The following KMO variants were observed in gnomAD, a reference collection of about 807,000 sequenced individuals.
The protein encoded by KMO is kynurenine 3-hydroxylase.
In KMO, 24 loss-of-function variants were observed where a neutral mutation model predicts 57.8. The ratio of observed to expected loss-of-function variants is 0.42; its 90% CI spans 0.30 to 0.58. KMO has a LOEUF of 0.58. Among genes scored for constraint, KMO ranks in the 20% least tolerant of loss-of-function variants. KMO has a pLI of 0.22. For missense variants in KMO, 483 were observed against 588.2 expected, an observed-to-expected ratio of 0.82 and a Z score of 1.85; for synonymous variants, 210 against 193.6, an observed-to-expected ratio of 1.08 and a Z score of -0.70.
chr1:241,547,316 A>C (rs10926516), intron 1 of KMO, among the ~76,000 whole-genome samples: 45,376 of 152,058 alleles, frequency 0.3, 7,773 homozygotes, highest in Non-Finnish European at 0.39. Flanking sequence ...AGCTTCTCAT[A>C]CTCAAAATAG....
intron 1 of KMO, among the ~76,000 whole-genome samples, chr1:241,548,089 A>ACACAC: frequency 6.0e-5 from 1 of 16,762 alleles, no homozygotes; most frequent in South Asian, 5.6e-3. Flanking sequence ...AACAAACAAA[A>ACACAC]CACACACACA....
intron 10 of KMO, among the ~76,000 whole-genome samples, chr1:241,569,056 A>C (rs1662184254): frequency 1.3e-5 from 2 of 152,068 alleles, no homozygotes; most frequent in African/African-American, 4.8e-5. Flanking sequence ...TACTAGTTTT[A>C]TATATTTATG....
At chr1:241,586,427 T>G in intron 10 of KMO, 1 of 384,676 alleles carries the variant, frequency 2.6e-6, no homozygotes, top group South Asian at 2.4e-5. Flanking sequence ...CTCAAACTCC[T>G]GAGCTCAAGC....
At chr1:241,561,505 C>G (rs1237804804) in intron 6 of KMO, among the ~76,000 whole-genome samples, 1 of 152,192 alleles carries the variant, frequency 6.6e-6, no homozygotes, top group Non-Finnish European at 1.5e-5. Context: ...CTTCTAGCTG[C>G]AGGACAGTAC....
At chr1:241,560,615 A>G in intron 5 of KMO, 50 bp from the exon 6 acceptor site, 1 of 1,245,204 alleles carries the variant, frequency 8.0e-7, no homozygotes. Context: ...GATTAAGTGA[A>G]GTAAGAATTG....
Position 241,562,194 on chromosome 1 carries a change from T to A in KMO, c.477T>A (p.Thr159=). 6.2e-6 allele frequency: 10 copies of A among 1,614,144 alleles called. No individual in the cohort carries two copies. Among genetic ancestry groups the A allele is most frequent in the Middle Eastern group, 1.7e-4 (1 of 6,058 alleles). Residue 159 remains threonine (T), a synonymous_variant, in exon 7 of 15, where the codon ACT becomes ACA. Transcript: ENST00000366559. The part of the protein sequence containing the change: ...LGSDKVPKDV[T]CDLIVGCDGA... ...CTGACAAAGTTCCCAAAGATGTCAC[T>A]TGTGACCTCATTGTAGGATGTGATG...
At chr1:241,576,716 C>CT (rs1350819351) in intron 10 of KMO, among the ~76,000 whole-genome samples, 1 of 5,202 alleles carries the variant, frequency 1.9e-4, no homozygotes, top group Non-Finnish European at 2.6e-3. Context: ...AGCTTGATAA[C>CT]ATACACCTTG....
rs35333190 is a variant in KMO, at chr1:241,592,782, C to CTATCTATCTATCTATCTATCTA, written c.*646_*647insATCTATATCTATCTATCTATCT. On this transcript the variant is annotated 3_prime_UTR_variant, in exon 15 of 15. Transcript: ENST00000366559. ...TCTATCTATCTATCTATCTATCTAT[C>CTATCTATCTATCTATCTATCTA]TATCTATCTATCTATCTCTATTTAT... The CTATCTATCTATCTATCTATCTA allele has an allele frequency of 0.014, 2,205 of 152,618 alleles. 22 individuals are homozygous for CTATCTATCTATCTATCTATCTA. Among genetic ancestry groups the CTATCTATCTATCTATCTATCTA allele is most frequent in the East Asian group, 0.046 (233 of 5,112 alleles). 9.5% of individuals were successfully genotyped at this position (152,618 alleles called of 1,614,324 possible).
intron 14 of KMO, among the ~76,000 whole-genome samples, chr1:241,591,394 T>C (rs1233737737): frequency 6.6e-6 from 1 of 151,042 alleles, no homozygotes; most frequent in Non-Finnish European, 1.5e-5. Flanking sequence ...GTGTAACTTT[T>C]ACATGTGAGT....
intron 7 of KMO, among the ~76,000 whole-genome samples, chr1:241,563,456 G>C (rs1165329148): frequency 6.6e-6 from 1 of 152,124 alleles, no homozygotes; most frequent in South Asian, 2.1e-4. Flanking sequence ...CTAAATATCA[G>C]CCAGTAAAAT....
chr1:241,564,106 G>A (rs138441549), intron 7 of KMO, among the ~76,000 whole-genome samples: 1 of 152,274 alleles, frequency 6.6e-6, no homozygotes, highest in East Asian at 1.9e-4. Flanking sequence ...GGAAGACACA[G>A]TCCCTTCACC....
intron 10 of KMO, among the ~76,000 whole-genome samples, chr1:241,586,189 G>GT (rs1558431281): frequency 3.1e-4 from 38 of 122,730 alleles, no homozygotes; most frequent in African/African-American, 1.1e-3. Context: ...GAAGTCTATG[G>GT]TCTTTTTTTT....
intron 7 of KMO, among the ~76,000 whole-genome samples, chr1:241,562,981 T>G (rs1573921254): frequency 6.6e-6 from 1 of 152,024 alleles, no homozygotes; most frequent in East Asian, 1.9e-4. Flanking sequence ...GTTACAACCC[T>G]CTTACTGGAA....
intron 6 of KMO, among the ~76,000 whole-genome samples, chr1:241,561,398 C>G (rs770044247): frequency 6.6e-6 from 1 of 152,162 alleles, no homozygotes; most frequent in Non-Finnish European, 1.5e-5. Context: ...TAATTTGAAT[C>G]ATTCATGATG....
chr1:241,560,575 G>C (rs1661798681), intron 5 of KMO, 90 bp from the exon 6 acceptor site: 4 of 930,726 alleles, frequency 4.3e-6, no homozygotes, highest in Middle Eastern at 4.3e-4. Context: ...CTACCATACT[G>C]TTCCCAGAAA....
In KMO at chr1:241,551,295, C is replaced by T. The variant is rs1573911342; in HGVS notation, c.312+251C>T. Reference sequence around the variant, plus strand: ...CTTATTGTGTCATTTCTTGCCTTTGCGCTGCCCTGCTACCTGGGACAGCCT... The same window carrying T: ...CTTATTGTGTCATTTCTTGCCTTTGTGCTGCCCTGCTACCTGGGACAGCCT... On this transcript the variant is annotated intron_variant, in intron 4 of 14. Coordinates refer to ENST00000366559, the MANE Select transcript of KMO (RefSeq NM_003679.5). 5.3e-5 allele frequency among the ~76,000 whole-genome samples: 8 copies of T among 152,274 alleles called. No homozygotes were observed. In the South Asian group the frequency reaches 1.2e-3, roughly 24 times the overall value.
At chr1:241,547,627 T>C (rs974959673) in intron 1 of KMO, among the ~76,000 whole-genome samples, 1 of 149,966 alleles carries the variant, frequency 6.7e-6, no homozygotes, top group Non-Finnish European at 1.5e-5. Context: ...TAATTAAGCA[T>C]ATGCAAAGTA....
At chr1:241,563,055 T>C (rs1377187121) in intron 7 of KMO, among the ~76,000 whole-genome samples, 1 of 152,198 alleles carries the variant, frequency 6.6e-6, no homozygotes, top group Non-Finnish European at 1.5e-5. Context: ...AACAGGTTGA[T>C]GATGAATCCT....
chr1:241,555,894 T>G (rs1192984246), intron 5 of KMO: 8 of 364,322 alleles, frequency 2.2e-5, no homozygotes, highest in Non-Finnish European at 4.0e-5. Context: ...GAGACCCGCC[T>G]GGGCAACATG....
Sources: allele counts gnomAD v4.1 joint callset (sites outside exome capture counted in the v4.1 genomes callset), GRCh38; gene constraint gnomAD v4.1.1; transcripts MANE v1.5; gene names NCBI Gene and HGNC (gene_info 2026-07-23, HGNC 2026-07-21).